DPP4: variants seen among roughly 807,000 people sequenced by gnomAD.
DPP4 encodes dipeptidyl peptidase 4.
Under a neutral mutation model 122.4 loss-of-function variants are expected in DPP4, and 93 were observed. The observed-to-expected ratio is 0.76, with a 90% CI of 0.64 to 0.90. The LOEUF is 0.90. Among genes scored for constraint, DPP4 ranks in the 40% least tolerant of loss-of-function variants. The pLI is 0.00. For missense variants in DPP4, 914 were observed against 907.3 expected, an observed-to-expected ratio of 1.01 and a Z score of -0.09; for synonymous variants, 321 against 302.9, an observed-to-expected ratio of 1.06 and a Z score of -0.62.
intron 2 of DPP4, 109 bp downstream of exon 2, chr2:162,073,290 G>T: frequency 2.8e-6 from 3 of 1,054,668 alleles, no homozygotes; most frequent in South Asian, 2.7e-5. Flanking sequence ...GCTACACTTC[G>T]GGGCACTGGT....
intron 10 of DPP4, among the ~76,000 whole-genome samples, 196 bp from the exon 11 acceptor site, chr2:162,025,135 GA>G (rs1473473316): frequency 6.6e-6 from 1 of 152,138 alleles, no homozygotes; most frequent in Non-Finnish European, 1.5e-5. Context: ...AATTTGGAAT[GA>G]AAATTAAAAT....
At chr2:162,073,930 A>C (rs755848549) in intron 1 of DPP4, 46 bp downstream of exon 1, 1 of 1,607,996 alleles carries the variant, frequency 6.2e-7, no homozygotes, top group South Asian at 1.1e-5. Flanking sequence ...TTTGGCGAAG[A>C]GGTCCCCACA....
At chr2:162,050,188 T>C (rs1684334127) in intron 2 of DPP4, among the ~76,000 whole-genome samples, 1 of 152,328 alleles carries the variant, frequency 6.6e-6, no homozygotes. Context: ...ATGCATCAAA[T>C]AGTTAAAAAG....
chr2:162,031,930 C>G (rs1559715522), intron 10 of DPP4: 1 of 152,142 alleles, frequency 6.6e-6, no homozygotes, highest in Non-Finnish European at 1.5e-5. Flanking sequence ...AATTTTTACT[C>G]CATTGGACAA....
chr2:162,065,323 C>T (rs1379660791), intron 2 of DPP4, among the ~76,000 whole-genome samples: 1 of 152,150 alleles, frequency 6.6e-6, no homozygotes, highest in Admixed American at 6.5e-5. Context: ...TGAGCAAGTG[C>T]TGGGTTGAGC....
rs547824029 is a variant in DPP4, at chr2:162,058,335, C to T, written c.95-10834G>A. Reference sequence around the variant, plus strand: ...AGGTAGGAACCCCTCAGATCATCACCCCTGCTCATGGAATGTTAAAGAAAT... The same window carrying T: ...AGGTAGGAACCCCTCAGATCATCACTCCTGCTCATGGAATGTTAAAGAAAT... On this transcript the variant is annotated intron_variant, in intron 2 of 25. Coordinates refer to ENST00000360534, the MANE Select transcript of DPP4 (RefSeq NM_001935.4). 2.6e-5 allele frequency among the ~76,000 whole-genome samples: 4 copies of T among 152,254 alleles called. No individual in the cohort carries two copies. The East Asian group carries it at 7.7e-4, about 29-fold the overall frequency.
In DPP4 at chr2:162,036,707, T is replaced by C. The variant is rs577271596; in HGVS notation, c.614-1383A>G. ...TATATCACTGATCTATACACTCTTA[T>C]GTAGCAATTTAGAATTTACAAAACA... On this transcript the variant is annotated intron_variant, in intron 8 of 25. Coordinates refer to ENST00000360534, the MANE Select transcript of DPP4 (RefSeq NM_001935.4). Among the ~76,000 whole-genome samples the C allele has an allele frequency of 7.9e-5, 12 of 152,330 alleles. No homozygotes were observed. The Middle Eastern group carries it at 0.02, about 259-fold the overall frequency.
chr2:162,011,927 G>GT lies in DPP4; in HGVS notation c.1697dup (p.Tyr566Ter), dbSNP rs1447396528. The change falls in exon 20 of 26, where the codon TAC becomes TAAC. Residue 566 changes from tyrosine (Y) to a stop codon, truncating the protein, a stop_gained and frameshift_variant. Transcript: ENST00000360534. LOFTEE classifies it high-confidence loss of function. ...CTATAATGTTTTCTGTGCTTGCAAG[G>GT]TAAGTGGCCCAGTTCAGTCTGAAGA... ...DTVFRLNWAT[Y>*]LASTENIIVA... 1.9e-6 allele frequency: 3 copies of GT among 1,613,664 alleles called. No individual in the cohort carries two copies. Among genetic ancestry groups the GT allele is most frequent in the Non-Finnish European group, 2.5e-6 (3 of 1,179,744 alleles).
chr2:162,001,419 T>C (rs978201959), intron 23 of DPP4, among the ~76,000 whole-genome samples: 2 of 152,220 alleles, frequency 1.3e-5, no homozygotes, highest in East Asian at 1.9e-4. Context: ...TGGGGCTTCA[T>C]AGTCACAATT....
chr2:161,995,235 T>C (rs1173911089), intron 24 of DPP4, 65 bp downstream of exon 24: 1 of 1,475,834 alleles, frequency 6.8e-7, no homozygotes, highest in African/African-American at 1.4e-5. Context: ...CATGCTTTTG[T>C]TTTGTCAGTA....
In DPP4 at chr2:162,074,096, C is replaced by A. The variant is rs1013269513; in HGVS notation, c.-115G>T. 20 of 1,483,072 alleles carry A rather than the reference C, an allele frequency of 1.3e-5. No individual in the cohort carries two copies. In the African/African-American group the frequency reaches 2.7e-4, roughly 20 times the overall value. The allele number at this position is 1,483,072 out of a possible 1,614,324, so 91.9% of individuals were successfully genotyped here. A position where few individuals can be genotyped will look rare whatever the true frequency, so the allele number is the denominator to read the frequency against. On this transcript the variant is annotated 5_prime_UTR_variant, in exon 1 of 26. Transcript: ENST00000360534. ...CTCCGGGCGGTGGAGTCACTCGCCG[C>A]TGGCAAGTTTCGGCCCCGAGTTAAA...
chr2:161,998,688 C>G (rs1559703429), intron 23 of DPP4, among the ~76,000 whole-genome samples: 1 of 151,382 alleles, frequency 6.6e-6, no homozygotes, highest in East Asian at 1.9e-4. Context: ...TTCTGGCTGC[C>G]TTTTTTTTTC....
chr2:162,026,690 C>T (rs562279805), intron 10 of DPP4, among the ~76,000 whole-genome samples: 27 of 152,126 alleles, frequency 1.8e-4, no homozygotes, highest in Non-Finnish European at 2.4e-4. Context: ...CTTTCCATGC[C>T]GGGAAACAGA....
chr2:162,034,252 T>G (rs1683684498), intron 9 of DPP4, among the ~76,000 whole-genome samples: 1 of 152,188 alleles, frequency 6.6e-6, no homozygotes, highest in African/African-American at 2.4e-5. Context: ...GATCTTCGAT[T>G]GACAGATTAG....
At chr2:162,033,686 C>CA (rs11437441) in intron 9 of DPP4, 33 bp from the exon 10 acceptor site, 305,291 of 1,100,618 alleles carry the variant, frequency 0.28, 13,831 homozygotes, top group East Asian at 0.51. Context: ...TTGGTATTGA[C>CA]AAAAAAAAAA....
intron 5 of DPP4, among the ~76,000 whole-genome samples, chr2:162,044,879 TTGGGAGATGGTC>T (rs1416907660): frequency 6.6e-6 from 1 of 152,104 alleles, no homozygotes; most frequent in East Asian, 1.9e-4. Flanking sequence ...GGCCCGAAGG[TTGGGAGATGGTC>T]TGGGCCATCT....
At chr2:162,026,471 C>A (rs1043572503) in intron 10 of DPP4, among the ~76,000 whole-genome samples, 1 of 152,180 alleles carries the variant, frequency 6.6e-6, no homozygotes, top group Non-Finnish European at 1.5e-5. Flanking sequence ...CAGGAACACA[C>A]CATGAGTTTC....
At chr2:162,073,631 G>A in intron 1 of DPP4, 145 bp from the exon 2 acceptor site, 1 of 763,716 alleles carries the variant, frequency 1.3e-6, no homozygotes, top group Admixed American at 2.2e-5. Flanking sequence ...GGTGGGGGTG[G>A]CGTCTGGAGT....
In DPP4 at chr2:162,017,031, C is replaced by A. The variant is rs1682949686; in HGVS notation, c.1468+77G>T. The A allele has an allele frequency of 4.6e-6, 7 of 1,509,706 alleles. No homozygotes were observed. The South Asian group carries it at 8.4e-5, about 18-fold the overall frequency. The allele number at this position is 1,509,706 out of a possible 1,614,324, so 93.5% of individuals were successfully genotyped here. The stretch of plus-strand genomic sequence containing the variant: ...CAAGACACAAAGCCAAAGAAAATCA[C>A]ACAATGCTAAGTACATGTTAGACTT... On this transcript the variant is annotated intron_variant, in intron 17 of 25. Coordinates refer to ENST00000360534, the MANE Select transcript of DPP4 (RefSeq NM_001935.4).
Sources: gnomAD v4.1 joint callset for allele counts (sites outside exome capture counted in the v4.1 genomes callset) on GRCh38, gnomAD v4.1.1 for gene constraint, MANE v1.5 for transcripts, NCBI Gene and HGNC (gene_info 2026-07-23, HGNC 2026-07-21) for gene names.